The following PGAP6 variants were observed in gnomAD, a reference collection of about 807,000 sequenced individuals.
PGAP6 encodes the protein post-GPI attachment to proteins 6.
A neutral mutation model predicts 68.4 loss-of-function variants in PGAP6; 62 were observed. That is an observed-to-expected ratio of 0.91 (90% confidence interval 0.74 to 1.12). PGAP6 has a LOEUF of 1.12. Among genes scored for constraint, PGAP6 ranks in the 50% most tolerant of loss-of-function variants. The pLI is 0.00. For synonymous variants in PGAP6, 575 were observed against 474.0 expected (o/e 1.21, Z -2.77); for missense variants, 1,188 against 1,068.5 (o/e 1.11, Z -1.56).
At position 377,473 on chromosome 16, in the gene PGAP6, T is replaced by A; in HGVS notation, c.412A>T (p.Arg138Ter). The A allele has an allele frequency of 6.2e-7, 1 of 1,610,346 alleles. No homozygotes were observed. ...GAAACGTTGACGGAGGCATTGCTTC[T>A]CGGTGTGGTGCTCAGCGGCACCCCG... ...QVGVPLSTTP[R>*]SNASVNVSHP... Residue 138 changes from arginine (R) to a stop codon, truncating the protein, a stop_gained, in exon 3 of 13, where the codon AGA becomes TGA. Coordinates refer to ENST00000431232, the MANE Select transcript of PGAP6 (RefSeq NM_021259.3). LOFTEE classifies it high-confidence loss of function.
At position 381,744 on chromosome 16, in the gene PGAP6, A is replaced by AAGC. The variant is rs746261103; in HGVS notation, c.75_77dup (p.Leu26dup). ...CGGCGGAGGCAGGCGGGGGCCGGGC[A>AAGC]AGCAGCAGCAGCAGCAGCGGCCCCG... On this transcript the variant is annotated inframe_insertion, in exon 1 of 13. Transcript: ENST00000431232. 1.7e-4 allele frequency: 201 copies of AAGC among 1,210,910 alleles called. No homozygotes were observed. The highest frequency in any genetic ancestry group is 5.7e-4 in the South Asian group (16 of 28,196). The allele number at this position is 1,210,910 out of a possible 1,614,324, so 75.0% of individuals were successfully genotyped here.
In PGAP6 at chr16:372,744, G is replaced by A. The variant is rs371568475; in HGVS notation, c.1903-17C>T. On this transcript the variant is annotated splice_polypyrimidine_tract_variant and intron_variant, in intron 11 of 12. Coordinates refer to ENST00000431232, the MANE Select transcript of PGAP6 (RefSeq NM_021259.3). The stretch of plus-strand genomic sequence containing the variant: ...AAACAGCACCTGCGCAAGACACAGG[G>A]ATGACTGCAGGGACGTCTCTGAGGG... The A allele has an allele frequency of 3.8e-6, 6 of 1,582,806 alleles. No individual in the cohort carries two copies. In the African/African-American group the frequency reaches 8.1e-5, roughly 21 times the overall value.
upstream of PGAP6, among the ~76,000 whole-genome samples, chr16:386,175 C>T (rs1474477990): frequency 6.6e-6 from 1 of 151,818 alleles, no homozygotes; most frequent in Non-Finnish European, 1.5e-5. Flanking sequence ...TCGGTGTGCT[C>T]TTCGCCCAGC....
At position 374,081 on chromosome 16, in the gene PGAP6, C is replaced by T. The variant is rs1597158411; in HGVS notation, c.1826G>A (p.Cys609Tyr). ...CILSYDTLQY[C>Y]DFLGSGAAIW... is the part of the protein sequence containing the mutation. ...GGCCGCCCCGGAGCCCAAGAAGTCG[C>T]AGTACTGCAGCGTGTCGTAGCTGAG... Residue 609 changes from cysteine (C) to tyrosine (Y), a missense_variant, in exon 11 of 13, where the codon TGC (cysteine) becomes TAC (tyrosine). By Grantham distance (194) the Cys-to-Tyr change is radical. Transcript: ENST00000431232. 6.2e-7 allele frequency: 1 copy of T among 1,612,086 alleles called. No homozygotes were observed. The highest frequency in any genetic ancestry group is 8.5e-7 in the Non-Finnish European group (1 of 1,179,958).
chr16:376,295 T>C lies in PGAP6; in HGVS notation c.1065A>G (p.Pro355=), dbSNP rs764851749. 3 of 1,611,790 alleles carry C rather than the reference T, an allele frequency of 1.9e-6. No homozygotes were observed. The African/African-American group carries it at 4.0e-5, about 22-fold the overall frequency. Residue 355 remains proline, a synonymous_variant, in exon 6 of 13, where the codon CCA becomes CCG. Coordinates refer to ENST00000431232, the MANE Select transcript of PGAP6 (RefSeq NM_021259.3). ...CCACGTCCATGTCCTCCCGCGTGAC[T>C]GGGTAGTTTGTGAGGCAGAAGGGGC... ...DRSPFCLTNY[P]VTREDMDVVS...
At chr16:378,921 G>A (rs1337790107) in intron 1 of PGAP6, among the ~76,000 whole-genome samples, 4 of 152,214 alleles carry the variant, frequency 2.6e-5, no homozygotes, top group African/African-American at 9.6e-5. Flanking sequence ...GGGCCCGTGG[G>A]AGACATCCTG....
Position 377,025 on chromosome 16 carries a change from G to A in PGAP6, c.635+12C>T, listed in dbSNP as rs542619552. On this transcript the variant is annotated intron_variant, in intron 4 of 12. Coordinates refer to ENST00000431232, the MANE Select transcript of PGAP6 (RefSeq NM_021259.3). Reference sequence around the variant, plus strand: ...AGGGCAGAGCCGGGCTGCCCCCCAGGCCCCCGCTCACTTGAGGTAGCTGGG... The same window carrying A: ...AGGGCAGAGCCGGGCTGCCCCCCAGACCCCCGCTCACTTGAGGTAGCTGGG... 8.4e-5 allele frequency: 135 copies of A among 1,612,386 alleles called. No individual in the cohort carries two copies. The highest frequency in any genetic ancestry group is 6.4e-4 in the African/African-American group (48 of 75,052).
chr16:376,220 C>A lies in PGAP6; in HGVS notation c.1140G>T (p.Ser380=), dbSNP rs374236392. 6 of 1,612,706 alleles carry A rather than the reference C, an allele frequency of 3.7e-6. No individual in the cohort carries two copies. Among genetic ancestry groups the A allele is most frequent in the Non-Finnish European group, 3.4e-6 (4 of 1,179,986 alleles). The part of the protein sequence containing the change: ...PLDRVSVRVC[S]DTPSVMRLRL... ...GCAGCCGCATCACGGAGGGCGTGTCCGAACACACCCTCACCGAGACCCTGT... is the reference window on the plus strand; with the variant it reads ...GCAGCCGCATCACGGAGGGCGTGTCAGAACACACCCTCACCGAGACCCTGT... Residue 380 remains serine (S), a synonymous_variant, in exon 6 of 13, where the codon TCG becomes TCT. Coordinates refer to ENST00000431232, the MANE Select transcript of PGAP6 (RefSeq NM_021259.3).
At chr16:383,921 G>A (rs759987160), upstream of PGAP6, among the ~76,000 whole-genome samples, 3 of 152,240 alleles carry the variant, frequency 2.0e-5, no homozygotes, top group Non-Finnish European at 4.4e-5. Flanking sequence ...GGTGGAGGGT[G>A]TTGGCCGGGG....
upstream of PGAP6, chr16:382,129 C>A (rs1373640811): frequency 1.4e-4 from 49 of 349,238 alleles, no homozygotes; most frequent in Admixed American, 7.3e-4. Context: ...GGGGACGGAC[C>A]GGGGCGCGCG....
chr16:379,446 G>T (rs1452108376), intron 1 of PGAP6, among the ~76,000 whole-genome samples: 1 of 152,278 alleles, frequency 6.6e-6, no homozygotes, highest in Non-Finnish European at 1.5e-5. Context: ...CCAGGTGTCT[G>T]CTGGCCACCA....
Position 372,732 on chromosome 16 carries a change from G to A in PGAP6, c.1903-5C>T, listed in dbSNP as rs376880071. 4.5e-5 allele frequency: 72 copies of A among 1,602,406 alleles called. No individual in the cohort carries two copies. Among genetic ancestry groups the A allele is most frequent in the Non-Finnish European group, 5.5e-5 (65 of 1,172,252 alleles). ...TGTACCCAGAAGAAACAGCACCTGC[G>A]CAAGACACAGGGATGACTGCAGGGA... On this transcript the variant is annotated splice_polypyrimidine_tract_variant and splice_region_variant and intron_variant, in intron 11 of 12. Coordinates refer to ENST00000431232, the MANE Select transcript of PGAP6 (RefSeq NM_021259.3).
upstream of PGAP6, chr16:382,224 G>C (rs1477100559): frequency 1.0e-5 from 4 of 393,260 alleles, no homozygotes; most frequent in South Asian, 1.3e-4. Flanking sequence ...GGGCGCGCTC[G>C]GAACACGCAG....
At position 375,414 on chromosome 16, in the gene PGAP6, C is replaced by T. The variant is rs78409940; in HGVS notation, c.1246G>A (p.Val416Ile). ...GCAGCATTCACGCAGGCCACTACGA[C>T]GGTCTCGTTCCGCATCTCTGTCTGG... is the stretch of plus-strand genomic sequence containing the variant. ...ANKTEMRNET[V>I]VVACVNAASP... Residue 416 changes from valine to isoleucine, a missense_variant, in exon 7 of 13, where the codon GTC becomes ATC. By Grantham distance (29) the Val-to-Ile change is conservative. Transcript: ENST00000431232. 75 of 1,612,544 alleles carry T rather than the reference C, an allele frequency of 4.7e-5. No individual in the cohort carries two copies. The East Asian group carries it at 6.9e-4, about 15-fold the overall frequency.
At chr16:378,774 C>T (rs1326141303) in intron 1 of PGAP6, among the ~76,000 whole-genome samples, 2 of 152,222 alleles carry the variant, frequency 1.3e-5, no homozygotes, top group East Asian at 1.9e-4. Flanking sequence ...GAGGGAGATA[C>T]TGCATGTGGG....
rs2054389693 is a variant in PGAP6 at position 376,899 on chromosome 16, C to T, written c.636-87G>A. On this transcript the variant is annotated intron_variant, in intron 4 of 12. Transcript: ENST00000431232. Reference sequence around the variant, plus strand: ...GCCCAGGCTCTGCTGTTCCTCAGCCCACTCTGGTGGGGGCCAGGCATCTGG... The same window carrying T: ...GCCCAGGCTCTGCTGTTCCTCAGCCTACTCTGGTGGGGGCCAGGCATCTGG... The T allele has an allele frequency of 3.8e-6, 6 of 1,565,716 alleles. No individual in the cohort carries two copies. The South Asian group carries it at 6.9e-5, about 18-fold the overall frequency.
At chr16:381,659 C>G (rs1422011992) in intron 1 of PGAP6, 42 bp downstream of exon 1, 4 of 1,183,066 alleles carry the variant, frequency 3.4e-6, no homozygotes, top group Non-Finnish European at 4.2e-6. Flanking sequence ...CGCCCGCAGC[C>G]CCGGCCCCAC....
intron 1 of PGAP6, among the ~76,000 whole-genome samples, chr16:378,887 C>T (rs1427010766): frequency 6.6e-6 from 1 of 152,230 alleles, no homozygotes; most frequent in Non-Finnish European, 1.5e-5. Context: ...GGAACGCACC[C>T]ACGCCTGGTG....
rs2054361435 is a variant in PGAP6, at chr16:374,323, G to A, written c.1653C>T (p.Leu551=). The change falls in exon 10 of 13, where the codon CTC becomes CTT. Residue 551 remains leucine (L), a synonymous_variant. Coordinates refer to ENST00000431232, the MANE Select transcript of PGAP6 (RefSeq NM_021259.3). The part of the protein sequence containing the change: ...VAQQRAATLL[L]TLSNLMFLAP... ...CCAGGAACATGAGGTTGCTGAGCGTGAGCAGCAGTGTGGCCGCCCTCTGCT... is the reference window on the plus strand; with the variant it reads ...CCAGGAACATGAGGTTGCTGAGCGTAAGCAGCAGTGTGGCCGCCCTCTGCT... 1 of 1,605,018 alleles carries A rather than the reference G, an allele frequency of 6.2e-7. No individual in the cohort carries two copies. Among genetic ancestry groups the A allele is most frequent in the Non-Finnish European group, 8.5e-7 (1 of 1,179,726 alleles).
Sources: gnomAD v4.1 joint callset for allele counts (sites outside exome capture counted in the v4.1 genomes callset) on GRCh38, gnomAD v4.1.1 for gene constraint, MANE v1.5 for transcripts, NCBI Gene and HGNC (gene_info 2026-07-23, HGNC 2026-07-21) for gene names.